The following ADK variants were observed in gnomAD, a reference collection of about 807,000 sequenced individuals.
ADK encodes adenosine kinase, also known as N6,N6-dimethyladenosine kinase.
A neutral mutation model predicts 44.7 loss-of-function variants in ADK; 24 were observed. That is an observed-to-expected ratio of 0.54 (90% CI 0.39 to 0.76). The LOEUF is 0.76. ADK is among the 30% of genes least tolerant of loss of function. ADK has a pLI of 0.00. For missense variants in ADK, 321 were observed against 425.1 expected (o/e 0.76, Z 2.15); for synonymous variants, 128 against 142.6 (o/e 0.90, Z 0.73).
chr10:74,152,480 G>T (rs1209535078), intron 1 of ADK, among the ~76,000 whole-genome samples: 1 of 152,090 alleles, frequency 6.6e-6, no homozygotes, highest in African/African-American at 2.4e-5. Flanking sequence ...TGAGTTCAAG[G>T]CATGTGCTTT....
chr10:74,473,967 C>G (rs1397264190), intron 6 of ADK, among the ~76,000 whole-genome samples: 1 of 152,070 alleles, frequency 6.6e-6, no homozygotes, highest in African/African-American at 2.4e-5. Flanking sequence ...AAGTTTTACC[C>G]ACTGATTTAT....
intron 8 of ADK, among the ~76,000 whole-genome samples, chr10:74,592,416 A>C (rs2133932195): frequency 6.6e-6 from 1 of 152,248 alleles, no homozygotes; most frequent in East Asian, 1.9e-4. Flanking sequence ...TAAACTATTG[A>C]AAATTGATTT....
intron 7 of ADK, among the ~76,000 whole-genome samples, chr10:74,587,139 G>A (rs755864467): frequency 6.6e-6 from 1 of 152,030 alleles, no homozygotes; most frequent in Non-Finnish European, 1.5e-5. Context: ...TAGCTTTTTT[G>A]TTGTCTTTTT....
chr10:74,445,701 C>T (rs1178139447), intron 6 of ADK, among the ~76,000 whole-genome samples: 1 of 152,018 alleles, frequency 6.6e-6, no homozygotes, highest in African/African-American at 2.4e-5. Context: ...TTTAACCTCT[C>T]TTAACCTTGG....
At chr10:74,264,668 C>G (rs4489684) in intron 3 of ADK, among the ~76,000 whole-genome samples, 110,286 of 151,992 alleles carry the variant, frequency 0.73, 40,631 homozygotes, top group Middle Eastern at 0.86. Flanking sequence ...AATGCTTTAT[C>G]TTCTTATGCC....
Position 74,224,597 on chromosome 10 carries a change from T to C in ADK, c.194+6T>C. 2 of 1,611,992 alleles carry C rather than the reference T, an allele frequency of 1.2e-6. No individual in the cohort carries two copies. The highest frequency in any genetic ancestry group is 1.7e-6 in the Non-Finnish European group (2 of 1,178,206). On this transcript the variant is annotated splice_donor_region_variant and intron_variant, in intron 3 of 10. Coordinates refer to ENST00000539909, the MANE Select transcript of ADK (RefSeq NM_006721.4). ...GAAGACAAACACAAGGAACTGTAAGTGCATTAAACCATTGGTTGTAAATAG... is the reference window on the plus strand; with the variant it reads ...GAAGACAAACACAAGGAACTGTAAGCGCATTAAACCATTGGTTGTAAATAG...
chr10:74,684,430 A>AT (rs781238707), intron 10 of ADK, among the ~76,000 whole-genome samples: 22 of 151,704 alleles, frequency 1.5e-4, no homozygotes, highest in African/African-American at 4.4e-4. Flanking sequence ...TAAATGCATG[A>AT]TTTTTTTTTC....
At chr10:74,238,608 A>G (rs1391021843) in intron 3 of ADK, among the ~76,000 whole-genome samples, 2 of 152,214 alleles carry the variant, frequency 1.3e-5, no homozygotes, top group South Asian at 4.1e-4. Flanking sequence ...TTGAGTGAAT[A>G]TATTTTAAAG....
intron 4 of ADK, among the ~76,000 whole-genome samples, chr10:74,329,106 C>CAAAAAAAAAAAAAAAAAAAA (rs138730631): frequency 1.2e-5 from 1 of 82,122 alleles, no homozygotes; most frequent in African/African-American, 5.0e-5. Context: ...TCTGTGCAGG[C>CAAAAAAAAAAAAAAAAAAAA]AAAAAAAAAA....
At chr10:74,413,148 T>A (rs1437500248) in intron 6 of ADK, among the ~76,000 whole-genome samples, 1 of 152,068 alleles carries the variant, frequency 6.6e-6, no homozygotes, top group Non-Finnish European at 1.5e-5. Context: ...GCAGAGCAGA[T>A]TTAACATAAC....
intron 4 of ADK, among the ~76,000 whole-genome samples, chr10:74,389,908 C>G (rs1843278492): frequency 6.6e-6 from 1 of 152,020 alleles, no homozygotes; most frequent in South Asian, 2.1e-4. Context: ...TGATATAGCT[C>G]TTATTTCAGA....
At chr10:74,314,833 T>A in intron 4 of ADK, 88 bp downstream of exon 4, 1 of 993,662 alleles carries the variant, frequency 1.0e-6, no homozygotes. Flanking sequence ...TTATATTGTG[T>A]TGCTGTAGAA....
chr10:74,547,488 T>A (rs1233056330), intron 7 of ADK, among the ~76,000 whole-genome samples: 1 of 144,394 alleles, frequency 6.9e-6, no homozygotes, highest in Non-Finnish European at 1.5e-5. Context: ...TTTATTATTT[T>A]TTTTTTTTTT....
At chr10:74,451,284 A>G (rs1845769891) in intron 6 of ADK, among the ~76,000 whole-genome samples, 1 of 152,154 alleles carries the variant, frequency 6.6e-6, no homozygotes, top group South Asian at 2.1e-4. Context: ...TTTTATTACT[A>G]GAAAGATAAA....
rs187060670 is a variant in ADK at position 74,266,967 on chromosome 10, G to A, written c.194+42376G>A. ...GGGTTCCACATTGGTGGATTAAACC[G>A]TGGAAAGAAAATATTAGGGAAAAAG... On this transcript the variant is annotated intron_variant, in intron 3 of 10. Transcript: ENST00000539909. 1.6e-4 allele frequency among the ~76,000 whole-genome samples: 24 copies of A among 152,208 alleles called. 1 individual carries two copies. The East Asian group carries it at 4.4e-3, about 28-fold the overall frequency.
At chr10:74,663,607 A>G (rs368239034) in intron 9 of ADK, among the ~76,000 whole-genome samples, 5 of 152,280 alleles carry the variant, frequency 3.3e-5, no homozygotes, top group African/African-American at 7.2e-5. Flanking sequence ...AGGATTCTCT[A>G]TTATCAAAGA....
chr10:74,435,226 T>G (rs1367905017), intron 6 of ADK, among the ~76,000 whole-genome samples: 1 of 152,204 alleles, frequency 6.6e-6, no homozygotes, highest in Non-Finnish European at 1.5e-5. Context: ...GGAATTGAGA[T>G]CAAAGGTTTA....
chr10:74,247,400 G>A (rs1043281829), intron 3 of ADK, among the ~76,000 whole-genome samples: 24 of 151,256 alleles, frequency 1.6e-4, no homozygotes, highest in Non-Finnish European at 1.2e-4. Context: ...CACCATGCCT[G>A]GCTAATTTTT....
At chr10:74,235,627 T>G (rs1350226970) in intron 3 of ADK, among the ~76,000 whole-genome samples, 2 of 152,206 alleles carry the variant, frequency 1.3e-5, no homozygotes, top group Non-Finnish European at 2.9e-5. Flanking sequence ...TCTATGAGTT[T>G]ATGCTGTTGT....
Sources: gnomAD v4.1 joint callset for allele counts (sites outside exome capture counted in the v4.1 genomes callset) on GRCh38, gnomAD v4.1.1 for gene constraint, MANE v1.5 for transcripts, NCBI Gene and HGNC (gene_info 2026-07-23, HGNC 2026-07-21) for gene names.